Variants in CBFA2T2 observed in about 807,000 individuals in gnomAD.
The protein encoded by CBFA2T2 is protein CBFA2T2.
Under a neutral mutation model 62.2 loss-of-function variants are expected in CBFA2T2, and 11 were observed. The observed-to-expected ratio is 0.18, with a 90% CI of 0.11 to 0.29. The LOEUF (loss-of-function observed/expected upper bound fraction) is 0.29. Among genes scored for constraint, CBFA2T2 ranks in the 10% least tolerant of loss-of-function variants. The probability of loss-of-function intolerance (pLI) is 1.00; values close to 1 mark genes in which losing one functional copy is unlikely to be tolerated. For synonymous variants in CBFA2T2, 295 were observed against 287.5 expected (o/e 1.03, Z -0.27); for missense variants, 592 against 774.1 (o/e 0.76, Z 2.79).
intron 10 of CBFA2T2, among the ~76,000 whole-genome samples, chr20:33,644,023 G>T (rs1393933108): frequency 1.3e-5 from 2 of 151,608 alleles, no homozygotes; most frequent in East Asian, 1.9e-4. Context: ...TGAGCCAAAA[G>T]ATGAGTCCAT....
chr20:33,563,411 G>T (rs2013164014), intron 1 of CBFA2T2, among the ~76,000 whole-genome samples: 1 of 152,002 alleles, frequency 6.6e-6, no homozygotes, highest in Non-Finnish European at 1.5e-5. Flanking sequence ...TCACTGTGTT[G>T]CCCAGACTAG....
At chr20:33,636,363 G>T (rs1011298994) in intron 8 of CBFA2T2, among the ~76,000 whole-genome samples, 2 of 151,962 alleles carry the variant, frequency 1.3e-5, no homozygotes, top group Non-Finnish European at 2.9e-5. Context: ...AAAAAATTAG[G>T]ACATAATAGG....
chr20:33,532,358 A>G (rs1386389548), intron 1 of CBFA2T2, among the ~76,000 whole-genome samples: 1 of 152,220 alleles, frequency 6.6e-6, no homozygotes, highest in Non-Finnish European at 1.5e-5. Flanking sequence ...AGAAGTTGAC[A>G]TTTGAGTTTA....
At chr20:33,506,363 C>T (rs1393533231) in intron 1 of CBFA2T2, among the ~76,000 whole-genome samples, 1 of 152,042 alleles carries the variant, frequency 6.6e-6, no homozygotes, top group East Asian at 1.9e-4. Flanking sequence ...ACACAGGTCC[C>T]CTCTTTTTTC....
At chr20:33,538,156 T>C (rs1349672542) in intron 1 of CBFA2T2, among the ~76,000 whole-genome samples, 1 of 152,156 alleles carries the variant, frequency 6.6e-6, no homozygotes, top group African/African-American at 2.4e-5. Flanking sequence ...ATTTTTGTGT[T>C]TTTCCTGTAC....
intron 1 of CBFA2T2, among the ~76,000 whole-genome samples, chr20:33,536,689 C>G (rs1347384784): frequency 1.3e-5 from 2 of 151,566 alleles, no homozygotes; most frequent in African/African-American, 2.4e-5. Context: ...CTCCTCACCT[C>G]CCAGACGGGG....
At position 33,613,959 on chromosome 20, in the gene CBFA2T2, C is replaced by T. The variant is rs113107955; in HGVS notation, c.420+2624C>T. On this transcript the variant is annotated intron_variant, in intron 3 of 10. Transcript: ENST00000342704. ...ATGTCAAAAATTCATTTGCGGCGGG[C>T]GGATCATGAGGTCAGGAGATCGAGA... Among the ~76,000 whole-genome samples, 352 of 151,786 alleles carry T rather than the reference C, an allele frequency of 2.3e-3. 1 individual carries two copies. Among genetic ancestry groups the T allele is most frequent in the African/African-American group, 8.2e-3 (338 of 41,444 alleles).
At chr20:33,586,966 G>C (rs924000933) in intron 1 of CBFA2T2, among the ~76,000 whole-genome samples, 1 of 151,990 alleles carries the variant, frequency 6.6e-6, no homozygotes, top group East Asian at 1.9e-4. Context: ...TTTTGAGTTA[G>C]GGTCTTACTC....
intron 1 of CBFA2T2, among the ~76,000 whole-genome samples, chr20:33,589,870 GATAATATGTTTAAT>G (rs2014537965): frequency 6.6e-6 from 1 of 152,072 alleles, no homozygotes; most frequent in African/African-American, 2.4e-5. Flanking sequence ...CATTCCTTTT[GATAATATGTTTAAT>G]ATACTAAGAA....
chr20:33,503,883 A>T (rs2011350605), intron 1 of CBFA2T2, among the ~76,000 whole-genome samples: 1 of 151,826 alleles, frequency 6.6e-6, no homozygotes, highest in African/African-American at 2.4e-5. Flanking sequence ...AGAGAAAAAA[A>T]CTTGCTCTTT....
chr20:33,643,802 TATATATATATATATA>T (rs2016944440), intron 10 of CBFA2T2, among the ~76,000 whole-genome samples: 3 of 48,620 alleles, frequency 6.2e-5, no homozygotes, highest in African/African-American at 2.4e-4. Flanking sequence ...TATATATATA[TATATATATATATATA>T]GTATATAATG....
rs558811020 is a variant in CBFA2T2, at chr20:33,588,359, AAT to A, written c.35-18585_35-18584del. Among the ~76,000 whole-genome samples, 831 of 150,800 alleles carry A rather than the reference AAT, an allele frequency of 5.5e-3. 7 individuals carry two copies. The highest frequency in any genetic ancestry group is 0.019 in the African/African-American group (794 of 41,222). ...GAATAGAAACAGGTGCAAATGAAGA[AAT>A]ATATATATATAAATATATATAGATC... On this transcript the variant is annotated intron_variant, in intron 1 of 10. Transcript: ENST00000342704.
At chr20:33,602,062 C>G (rs989351635) in intron 1 of CBFA2T2, among the ~76,000 whole-genome samples, 1 of 152,172 alleles carries the variant, frequency 6.6e-6, no homozygotes, top group Non-Finnish European at 1.5e-5. Flanking sequence ...TAGCAATTCT[C>G]CCGTCTCAAG....
At position 33,506,299 on chromosome 20, in the gene CBFA2T2, T is replaced by G. The variant is rs188794704; in HGVS notation, c.34+15998T>G. On this transcript the variant is annotated intron_variant, in intron 1 of 10. Transcript: ENST00000342704. The stretch of plus-strand genomic sequence containing the variant: ...TAATACAAAAAAGAAGAGAAGCAAT[T>G]TAATACAAGAGCTGAATAGCAAAAT... Among the ~76,000 whole-genome samples the G allele has an allele frequency of 2.6e-5, 4 of 152,076 alleles. No individual in the cohort carries two copies. In the East Asian group the frequency reaches 5.8e-4, roughly 22 times the overall value.
intron 1 of CBFA2T2, among the ~76,000 whole-genome samples, chr20:33,543,856 T>C (rs1475357651): frequency 6.6e-6 from 1 of 152,144 alleles, no homozygotes; most frequent in African/African-American, 2.4e-5. Context: ...TATTTATTCA[T>C]TTTGAGGTGG....
intron 1 of CBFA2T2, among the ~76,000 whole-genome samples, chr20:33,597,022 T>A (rs2014923919): frequency 6.6e-6 from 1 of 151,122 alleles, no homozygotes; most frequent in South Asian, 2.1e-4. Context: ...ACTCCAGGGC[T>A]GAAGGAATCC....
intron 1 of CBFA2T2, among the ~76,000 whole-genome samples, chr20:33,570,054 C>A (rs1263201552): frequency 1.3e-5 from 2 of 151,982 alleles, no homozygotes; most frequent in Non-Finnish European, 2.9e-5. Context: ...CCAAGGCGGG[C>A]GATCACCTGA....
At chr20:33,598,379 G>A (rs760615460) in intron 1 of CBFA2T2, among the ~76,000 whole-genome samples, 7 of 152,108 alleles carry the variant, frequency 4.6e-5, no homozygotes, top group Non-Finnish European at 5.9e-5. Flanking sequence ...ACATCCAGGC[G>A]CGTATTCTCT....
intron 1 of CBFA2T2, among the ~76,000 whole-genome samples, chr20:33,573,421 T>A (rs946420141): frequency 2.0e-5 from 3 of 152,118 alleles, no homozygotes; most frequent in African/African-American, 7.2e-5. Context: ...TGGATGTAAG[T>A]GTTCAGTACT....
Sources: allele counts gnomAD v4.1 joint callset (sites outside exome capture counted in the v4.1 genomes callset), GRCh38; gene constraint gnomAD v4.1.1; transcripts MANE v1.5; gene names NCBI Gene and HGNC (gene_info 2026-07-23, HGNC 2026-07-21).